The following AGRN variants were observed in gnomAD, a reference collection of about 807,000 sequenced individuals.
AGRN encodes the protein agrin, also known as agrin proteoglycan.
A neutral mutation model predicts 211.0 loss-of-function variants in AGRN; 106 were observed. That is an observed-to-expected ratio of 0.50 (90% CI 0.43 to 0.59). The LOEUF (loss-of-function observed/expected upper bound fraction) is 0.59. AGRN is among the 20% of genes least tolerant of loss of function. AGRN has a pLI of 0.00. For synonymous variants in AGRN, 1,525 were observed against 1,332.5 expected (o/e 1.14, Z -3.15); for missense variants, 3,040 against 2,982.6 (o/e 1.02, Z -0.45).
At chr1:1,025,312 CCCTT>C (rs1360121423) in intron 2 of AGRN, among the ~76,000 whole-genome samples, 4 of 152,154 alleles carry the variant, frequency 2.6e-5, no homozygotes, top group South Asian at 4.1e-4. Flanking sequence ...TGTGCACCCT[CCCTT>C]CCTCCCTGCC....
intron 33 of AGRN, chr1:1,052,630 G>A (rs756220626): frequency 5.2e-5 from 9 of 174,018 alleles, no homozygotes; most frequent in Non-Finnish European, 1.1e-4. Flanking sequence ...ATAGGTGAGG[G>A]AGACATGCAT....
intron 1 of AGRN, among the ~76,000 whole-genome samples, chr1:1,020,996 G>A (rs1434066972): frequency 6.6e-6 from 1 of 152,042 alleles, no homozygotes; most frequent in African/African-American, 2.4e-5. Flanking sequence ...TCTCCTTCAG[G>A]TGCTTCTGGG....
At chr1:1,027,468 G>A (rs577674898) in intron 2 of AGRN, among the ~76,000 whole-genome samples, 15 of 152,174 alleles carry the variant, frequency 9.9e-5, no homozygotes, top group Admixed American at 3.3e-4. Context: ...CCTCGTGCAC[G>A]TGTCTCGCCT....
rs907547086 is a variant in AGRN, at chr1:1,055,849, C to A, written c.*868C>A. On this transcript the variant is annotated 3_prime_UTR_variant, in exon 36 of 36. Coordinates refer to ENST00000379370, the MANE Select transcript of AGRN (RefSeq NM_198576.4). ...CAGCGTCAGTGAAAGTCGTCCTTGTCTCAGAATGACCAGGGGCCAGCCAGT... is the reference window on the plus strand; with the variant it reads ...CAGCGTCAGTGAAAGTCGTCCTTGTATCAGAATGACCAGGGGCCAGCCAGT... 1 of 152,498 alleles carries A rather than the reference C, an allele frequency of 6.6e-6. No homozygotes were observed. The highest frequency in any genetic ancestry group is 1.9e-4 in the East Asian group (1 of 5,192). 9.4% of individuals were successfully genotyped at this position (152,498 alleles called of 1,614,324 possible). A position where few individuals can be genotyped will look rare whatever the true frequency, so the allele number is the denominator to read the frequency against.
chr1:1,048,063 G>C lies in AGRN; in HGVS notation c.3803G>C (p.Gly1268Ala). Residue 1268 changes from glycine to alanine, a missense_variant, in exon 23 of 36, where the codon GGA becomes GCA. Coordinates refer to ENST00000379370, the MANE Select transcript of AGRN (RefSeq NM_198576.4). This position sits in a 1 kb window ranked among gnomAD's most constrained non-coding sequence, Gnocchi z 5.9. Reference sequence around the variant, plus strand: ...GCCACGTCAGGAGCCATTGCTGCGGGAGCCACGGCCAGAGCCACCACTGCA... The same window carrying C: ...GCCACGTCAGGAGCCATTGCTGCGGCAGCCACGGCCAGAGCCACCACTGCA... ...TGATSGAIAA[G>A]ATARATTASR... is the part of the protein sequence containing the mutation. 6.3e-7 allele frequency: 1 copy of C among 1,585,034 alleles called. No homozygotes were observed.
intron 2 of AGRN, among the ~76,000 whole-genome samples, chr1:1,024,187 CCCTGGCTG>C (rs1315920443): frequency 1.3e-5 from 2 of 152,016 alleles, no homozygotes; most frequent in Non-Finnish European, 2.9e-5. Flanking sequence ...TGGCTGGGGT[CCCTGGCTG>C]CCGGGACAGG....
intron 3 of AGRN, among the ~76,000 whole-genome samples, chr1:1,039,832 G>A (rs1244900542): frequency 6.6e-6 from 1 of 152,008 alleles, no homozygotes; most frequent in Non-Finnish European, 1.5e-5. Flanking sequence ...AGGAGGGGGC[G>A]TGTGGGTGCC....
Position 1,054,447 on chromosome 1 carries a change from G to C in AGRN, c.5877-1G>C. On this transcript the variant is annotated splice_acceptor_variant, in intron 34 of 35. Coordinates refer to ENST00000379370, the MANE Select transcript of AGRN (RefSeq NM_198576.4). LOFTEE classifies it high-confidence loss of function. Reference sequence around the variant, plus strand: ...TGGTCTCCCCCTCCCTGCACACCCAGGGAGCAGAGGGAAGGTTCCCTGCAG... The same window carrying C: ...TGGTCTCCCCCTCCCTGCACACCCACGGAGCAGAGGGAAGGTTCCCTGCAG... 1 of 1,580,088 alleles carries C rather than the reference G, an allele frequency of 6.3e-7. No homozygotes were observed. The highest frequency in any genetic ancestry group is 1.2e-5 in the South Asian group (1 of 86,326).
chr1:1,023,314 C>T (rs1415527435), intron 2 of AGRN, among the ~76,000 whole-genome samples: 1 of 152,172 alleles, frequency 6.6e-6, no homozygotes, highest in African/African-American at 2.4e-5. Context: ...CCTGGACTGT[C>T]CACTGCTCTT....
At position 1,032,951 on chromosome 1, in the gene AGRN, C is replaced by A. The variant is rs965629057; in HGVS notation, c.464-2326C>A. 6.6e-6 allele frequency among the ~76,000 whole-genome samples: 1 copy of A among 152,072 alleles called. No homozygotes were observed. Among genetic ancestry groups the A allele is most frequent in the Non-Finnish European group, 1.5e-5 (1 of 67,982 alleles). ...GGGCCCCTCCCTTACCCCCGGATCC[C>A]CCGGCTGGGCAGCGGCCAGGGAGAG... is the stretch of plus-strand genomic sequence containing the variant. On this transcript the variant is annotated intron_variant, in intron 2 of 35. Transcript: ENST00000379370. This position sits in a 1 kb window ranked among gnomAD's most constrained non-coding sequence, Gnocchi z 4.7.
chr1:1,051,070 C>A, intron 30 of AGRN, 183 bp from the exon 31 acceptor site: 1 of 1,547,958 alleles, frequency 6.5e-7, no homozygotes, highest in Non-Finnish European at 8.7e-7. Context: ...ATCCGCTCAC[C>A]GTCTCTGGCG....
rs375682905 is a variant in AGRN at position 1,044,041 on chromosome 1, G to A, written c.1999+18G>A. On this transcript the variant is annotated intron_variant, in intron 10 of 35. Transcript: ENST00000379370. ...CGAGCAGGGTAGGCCGGGGGACGCTGGCGAAAACTGCTGGGCTCTGGCTTT... is the reference window on the plus strand; with the variant it reads ...CGAGCAGGGTAGGCCGGGGGACGCTAGCGAAAACTGCTGGGCTCTGGCTTT... 3.7e-5 allele frequency: 60 copies of A among 1,611,608 alleles called. No homozygotes were observed. The highest frequency in any genetic ancestry group is 8.0e-5 in the African/African-American group (6 of 75,052).
intron 2 of AGRN, among the ~76,000 whole-genome samples, chr1:1,025,981 G>C (rs1644513131): frequency 6.6e-6 from 1 of 152,082 alleles, no homozygotes; most frequent in Admixed American, 6.5e-5. Context: ...CCCTGCCTTG[G>C]CCTGGGGGGG....
At chr1:1,035,062 A>T in intron 2 of AGRN, 1 of 639,136 alleles carries the variant, frequency 1.6e-6, no homozygotes, top group South Asian at 1.8e-5. Context: ...GGCCATGACT[A>T]TTTGGCTGGA....
At chr1:1,049,526 T>C (rs767854163) in intron 25 of AGRN, 40 bp from the exon 26 acceptor site, 1 of 1,592,632 alleles carries the variant, frequency 6.3e-7, no homozygotes, top group South Asian at 1.1e-5. Flanking sequence ...GCTTTGCCTG[T>C]GGCCCCTGAG....
intron 22 of AGRN, 36 bp downstream of exon 22, chr1:1,047,931 C>T (rs1334742897): frequency 1.9e-6 from 3 of 1,598,852 alleles, no homozygotes; most frequent in Non-Finnish European, 2.6e-6. Flanking sequence ...CTTACCTGCC[C>T]CCTCCTCTGC....
Position 1,043,557 on chromosome 1 carries a change from C to T in AGRN, c.1623C>T (p.Arg541=). 2 of 1,605,022 alleles carry T rather than the reference C, an allele frequency of 1.2e-6. No homozygotes were observed. Among genetic ancestry groups the T allele is most frequent in the Non-Finnish European group, 1.7e-6 (2 of 1,179,808 alleles). The stretch of plus-strand genomic sequence containing the variant: ...CCCCAGACCGCTGCGGGCAGTGCCG[C>T]TTTGGAGCCCTGTGCGAGGCCGAGA... ...KGPCDRCGQC[R]FGALCEAETG... is the part of the protein sequence containing the mutation. The change falls in exon 9 of 36, where the codon CGC becomes CGT. Residue 541 remains arginine (R), a synonymous_variant. Coordinates refer to ENST00000379370, the MANE Select transcript of AGRN (RefSeq NM_198576.4).
chr1:1,048,876 C>G lies in AGRN; in HGVS notation c.4115C>G (p.Ala1372Gly). Residue 1372 changes from alanine to glycine, a missense_variant, in exon 24 of 36, where the codon GCC (alanine) becomes GGC (glycine). Transcript: ENST00000379370. The surrounding 1 kb of genome is among the most constrained non-coding windows in gnomAD (Gnocchi z 5.9). Reference protein sequence around the residue: ...GGAVCEKVLGAPVPAFEGRSF... With the variant: ...GGAVCEKVLGGPVPAFEGRSF... ...CGGTCGCCCTTTGCAGTGCTTGGCGCCCCTGTGCCGGCCTTCGAGGGCCGC... is the reference window on the plus strand; with the variant it reads ...CGGTCGCCCTTTGCAGTGCTTGGCGGCCCTGTGCCGGCCTTCGAGGGCCGC... 6.5e-7 allele frequency: 1 copy of G among 1,538,798 alleles called. No homozygotes were observed. The highest frequency in any genetic ancestry group is 1.2e-5 in the South Asian group (1 of 83,994).
chr1:1,051,150 T>C (rs1442789122), intron 30 of AGRN, 103 bp from the exon 31 acceptor site: 12 of 1,422,078 alleles, frequency 8.4e-6, no homozygotes, highest in African/African-American at 1.4e-5. Context: ...CGCTGCCCCC[T>C]AGATAGGCAA....
Sources: allele counts gnomAD v4.1 joint callset (sites outside exome capture counted in the v4.1 genomes callset), GRCh38; gene constraint gnomAD v4.1.1; non-coding constraint Gnocchi (gnomAD v3.1); transcripts MANE v1.5; gene names NCBI Gene and HGNC (gene_info 2026-07-23, HGNC 2026-07-21).